The following MROH1 variants were observed in gnomAD, a reference collection of about 807,000 sequenced individuals.
MROH1 encodes the protein maestro heat like repeat family member 1.
A neutral mutation model predicts 116.5 loss-of-function variants in MROH1; 117 were observed. That is an observed-to-expected ratio of 1.00 (90% confidence interval 0.86 to 1.17). The LOEUF (loss-of-function observed/expected upper bound fraction) is 1.17, where lower values mean the gene tolerates loss of function less well. Among genes scored for constraint, MROH1 ranks in the 50% most tolerant of loss-of-function variants. The pLI is 0.00. For missense variants in MROH1, 1,873 were observed against 1,338.5 expected (o/e 1.40, Z -6.23); for synonymous variants, 921 against 583.9 (o/e 1.58, Z -8.32).
At chr8:144,254,222 A>G (rs1843309143) in intron 33 of MROH1, among the ~76,000 whole-genome samples, 1 of 152,100 alleles carries the variant, frequency 6.6e-6, no homozygotes, top group Non-Finnish European at 1.5e-5. Context: ...TCTCTCTTCT[A>G]CTGTATCTAG....
rs1841516102 is a variant in MROH1, at chr8:144,244,320, AC to A, written c.2655del (p.Asp885GlufsTer20). The A allele has an allele frequency of 1.4e-6, 1 of 720,126 alleles. No homozygotes were observed. The allele number at this position is 720,126 out of a possible 1,614,324, so 44.6% of individuals were successfully genotyped here. On this transcript the variant is annotated frameshift_variant, in exon 27 of 44. Transcript: ENST00000326134. LOFTEE classifies it high-confidence loss of function. ...CTGCTGCCTGAGCCCAAGGAGGAGG[AC>A]GGAGGCTGCCAGAAGGTATCCCTGT... is the stretch of plus-strand genomic sequence containing the variant. Reference protein sequence around the residue: ...MALLPEPKEEDGGCQKSLYLE... With the variant: ...MALLPEPKEEXGGCQKSLYLE...
At chr8:144,156,708 CA>C (rs1176108997) in intron 1 of MROH1, among the ~76,000 whole-genome samples, 233 of 56,124 alleles carry the variant, frequency 4.2e-3, no homozygotes, top group African/African-American at 0.014. Context: ...GACTCTGTCT[CA>C]AAAAAAAAAA....
At chr8:144,187,774 C>CG (rs1319364298) in intron 7 of MROH1, among the ~76,000 whole-genome samples, 3 of 152,030 alleles carry the variant, frequency 2.0e-5, no homozygotes, top group African/African-American at 7.3e-5. Context: ...ATGAAGGGGA[C>CG]GAGGGGTACA....
At chr8:144,210,307 A>C (rs1833821510) in intron 12 of MROH1, among the ~76,000 whole-genome samples, 2 of 152,112 alleles carry the variant, frequency 1.3e-5, no homozygotes, top group East Asian at 3.9e-4. Context: ...GCGTGGTGGC[A>C]GGTGCCTGTA....
intron 1 of MROH1, among the ~76,000 whole-genome samples, 169 bp downstream of exon 1, chr8:144,148,245 G>T (rs1034681468): frequency 5.3e-5 from 8 of 152,156 alleles, no homozygotes; most frequent in African/African-American, 1.4e-4. Flanking sequence ...CCTGGGTGTC[G>T]CGGGGACCTC....
At chr8:144,153,178 C>T (rs926171577) in intron 1 of MROH1, among the ~76,000 whole-genome samples, 8 of 151,892 alleles carry the variant, frequency 5.3e-5, no homozygotes, top group Non-Finnish European at 8.8e-5. Context: ...CATCCCATTT[C>T]TCGCAAATGA....
rs2133084206 is a variant in MROH1 at position 144,247,679 on chromosome 8, G to A, written c.3120G>A (p.Gln1040=). ...TCCACACCTGCCACAGTGTAGGCCA[G>A]GTACCAGCTGGGAGCTCTGCGGCCG... ...ILFHTCHSVG[Q]IIAKRLPPDQ... Residue 1040 remains glutamine, a splice_region_variant and synonymous_variant, in exon 31 of 44, where the codon CAG becomes CAA. Transcript: ENST00000326134. The A allele has an allele frequency of 2.6e-6, 2 of 762,884 alleles. No individual in the cohort carries two copies. The highest frequency in any genetic ancestry group is 4.9e-5 in the East Asian group (2 of 40,926). 47.3% of individuals were successfully genotyped at this position (762,884 alleles called of 1,614,324 possible).
At chr8:144,176,535 A>C (rs996213040) in intron 4 of MROH1, among the ~76,000 whole-genome samples, 1 of 20,792 alleles carries the variant, frequency 4.8e-5, no homozygotes, top group African/African-American at 1.2e-4. Context: ...ACCCTGACTC[A>C]GAAAAAAAAA....
At chr8:144,195,373 G>A (rs1422930219) in intron 10 of MROH1, among the ~76,000 whole-genome samples, 2 of 148,454 alleles carry the variant, frequency 1.3e-5, no homozygotes, top group Non-Finnish European at 3.0e-5. Context: ...ATGATAGTGG[G>A]TGCCTGTAGT....
rs751219057 is a variant in MROH1, at chr8:144,190,737, TCAC to T, written c.563-46_563-44del. On this transcript the variant is annotated intron_variant, in intron 7 of 43. Transcript: ENST00000326134. ...AGGCAGACATAGGTGCTGAGGATCG[TCAC>T]AAACCCATGGCCTGCAGCCACTTAC... 7.2e-5 allele frequency: 115 copies of T among 1,595,334 alleles called. No individual in the cohort carries two copies. In the East Asian group the frequency reaches 2.5e-3, roughly 35 times the overall value.
Position 144,182,054 on chromosome 8 carries a change from T to C in MROH1, c.562+1531T>C, listed in dbSNP as rs1825850017. Among the ~76,000 whole-genome samples the C allele has an allele frequency of 6.6e-6, 1 of 152,172 alleles. No homozygotes were observed. Among genetic ancestry groups the C allele is most frequent in the Admixed American group, 6.5e-5 (1 of 15,280 alleles). On this transcript the variant is annotated intron_variant, in intron 7 of 43. Coordinates refer to ENST00000326134, the MANE Select transcript of MROH1 (RefSeq NM_032450.3). The surrounding 1 kb of genome is among the most constrained non-coding windows in gnomAD (Gnocchi z 4.1). ...GGACCTCCTCGTGTGGGACGTGTGC[T>C]CCCCACCACAAATGGAACGTTCCCT...
intron 10 of MROH1, chr8:144,192,769 T>C: frequency 2.5e-6 from 1 of 406,642 alleles, no homozygotes; most frequent in Non-Finnish European, 4.7e-6. Flanking sequence ...GGAGAGGCCC[T>C]GGGCTGCAGG....
rs1844928382 is a variant in MROH1 at position 144,260,963 on chromosome 8, A to G, written c.4593A>G (p.Ser1531=). 29 of 777,166 alleles carry G rather than the reference A, an allele frequency of 3.7e-5. No homozygotes were observed. In the South Asian group the frequency reaches 3.8e-4, roughly 10 times the overall value. The allele number at this position is 777,166 out of a possible 1,614,324, so 48.1% of individuals were successfully genotyped here. Residue 1531 remains serine, a synonymous_variant, in exon 41 of 44, where the codon TCA becomes TCG. Coordinates refer to ENST00000326134, the MANE Select transcript of MROH1 (RefSeq NM_032450.3). ...CGPNLACEEL[S]AAFQKHLQEG... ...CCAATCTGGCATGTGAGGAGCTCTC[A>G]GCTGCTTTCCAGAAACACCTGCAGG... is the stretch of plus-strand genomic sequence containing the variant.
At chr8:144,258,337 CA>C (rs1242272711) in intron 35 of MROH1, among the ~76,000 whole-genome samples, 2 of 152,220 alleles carry the variant, frequency 1.3e-5, no homozygotes, top group African/African-American at 4.8e-5. Flanking sequence ...GGGAGTGGAT[CA>C]GGGGCCTGCT....
At chr8:144,230,039 T>A (rs528871090) in intron 14 of MROH1, among the ~76,000 whole-genome samples, 56 of 151,350 alleles carry the variant, frequency 3.7e-4, no homozygotes, top group South Asian at 1.3e-3. Context: ...GTCTCAAAAA[T>A]AATAATAATA....
chr8:144,168,296 G>A lies in MROH1; in HGVS notation c.24G>A (p.Lys8=), dbSNP rs770362252. Residue 8 remains lysine, a splice_region_variant and synonymous_variant, in exon 4 of 44, where the codon AAG becomes AAA. Coordinates refer to ENST00000326134, the MANE Select transcript of MROH1 (RefSeq NM_032450.3). ...GCTAACCAGGCTTTGTCGCTGCAGA[G>A]CTGGCCTCCACCCTGCTGGACGCCA... is the stretch of plus-strand genomic sequence containing the variant. MTESSMK[K]LASTLLDAIT... is the part of the protein sequence containing the mutation. The A allele has an allele frequency of 1.9e-6, 3 of 1,599,094 alleles. No individual in the cohort carries two copies. Among genetic ancestry groups the A allele is most frequent in the Non-Finnish European group, 2.6e-6 (3 of 1,176,318 alleles).
rs1039970949 is a variant in MROH1, at chr8:144,163,736, T to A, written c.-56-35T>A. ...CTGTGAACTCAGATATCGTAGAGGC[T>A]TATGAATTAAATCTTGTGATTTTGG... is the stretch of plus-strand genomic sequence containing the variant. On this transcript the variant is annotated intron_variant, in intron 2 of 43. Transcript: ENST00000326134. This position sits in a 1 kb window ranked among gnomAD's most constrained non-coding sequence, Gnocchi z 4.4. 1.1e-5 allele frequency: 15 copies of A among 1,361,784 alleles called. No homozygotes were observed. The African/African-American group carries it at 2.0e-4, about 18-fold the overall frequency. 84.4% of individuals were successfully genotyped at this position (1,361,784 alleles called of 1,614,324 possible). A position where few individuals can be genotyped will look rare whatever the true frequency, so the allele number is the denominator to read the frequency against.
At chr8:144,203,544 C>T (rs866376547) in intron 12 of MROH1, among the ~76,000 whole-genome samples, 3 of 151,564 alleles carry the variant, frequency 2.0e-5, no homozygotes, top group Middle Eastern at 3.4e-3. Context: ...GAGAGGAGCG[C>T]CCGCTCTCTG....
chr8:144,154,573 A>G (rs932092281), intron 1 of MROH1, among the ~76,000 whole-genome samples: 103 of 152,170 alleles, frequency 6.8e-4, no homozygotes, highest in Non-Finnish European at 1.1e-3. Context: ...GCCTGAGCTC[A>G]CTGCAGTAGC....
Sources: allele counts gnomAD v4.1 joint callset (sites outside exome capture counted in the v4.1 genomes callset), GRCh38; gene constraint gnomAD v4.1.1; non-coding constraint Gnocchi (gnomAD v3.1); transcripts MANE v1.5; gene names NCBI Gene and HGNC (gene_info 2026-07-23, HGNC 2026-07-21).